The following RGS7 variants were observed in gnomAD, a reference collection of about 807,000 sequenced individuals.
RGS7 encodes regulator of G protein signaling 7, also known as regulator of G-protein signaling 7.
RGS7 carries 27 observed loss-of-function variants against 81.1 expected under a neutral mutation model. The observed-to-expected ratio is 0.33, with a 90% CI of 0.25 to 0.46. RGS7 has a LOEUF of 0.46. Ranked by LOEUF, RGS7 falls within the 20% of genes least tolerant of loss-of-function variation. The pLI is 1.00. For synonymous variants in RGS7, 208 were observed against 207.7 expected (o/e 1.00, Z -0.01); for missense variants, 396 against 607.4 (o/e 0.65, Z 3.66).
chr1:241,221,003 G>GAA lies in RGS7; in HGVS notation c.79-122242_79-122241insTT, dbSNP rs1558203432. Among the ~76,000 whole-genome samples the GAA allele has an allele frequency of 3.6e-3, 178 of 49,086 alleles. 1 individual carries two copies. Among genetic ancestry groups the GAA allele is most frequent in the East Asian group, 6.4e-3 (9 of 1,398 alleles). The allele number at this position is 49,086 out of a possible 152,430, so 32.2% of individuals were successfully genotyped here. ...GAAGGAAGGAAGGAAGGAAGAGAGAGAGAAAGGAAGGAAGGAAGGAAGGAA... is the reference window on the plus strand; with the variant it reads ...GAAGGAAGGAAGGAAGGAAGAGAGAGAAAGAAAGGAAGGAAGGAAGGAAGGAA... On this transcript the variant is annotated intron_variant, in intron 2 of 18. Coordinates refer to ENST00000440928, the MANE Select transcript of RGS7 (RefSeq NM_001364886.1).
chr1:241,267,407 G>A (rs7517973), intron 2 of RGS7, among the ~76,000 whole-genome samples: 113,370 of 152,116 alleles, frequency 0.75, 42,353 homozygotes, highest in Admixed American at 0.83. Context: ...CCTATTTCCA[G>A]TGCTTTGTTT....
At chr1:241,347,018 A>G (rs1464227956) in intron 2 of RGS7, among the ~76,000 whole-genome samples, 1 of 152,192 alleles carries the variant, frequency 6.6e-6, no homozygotes, top group Non-Finnish European at 1.5e-5. Flanking sequence ...GGCATACACC[A>G]TCTTAAGCAT....
At chr1:241,083,487 G>A (rs556837162) in intron 3 of RGS7, among the ~76,000 whole-genome samples, 1 of 152,212 alleles carries the variant, frequency 6.6e-6, no homozygotes, top group South Asian at 2.1e-4. Flanking sequence ...TTCCCCTCTT[G>A]TTCCGCAGCT....
At chr1:241,188,634 C>T (rs902965838) in intron 2 of RGS7, among the ~76,000 whole-genome samples, 7 of 152,006 alleles carry the variant, frequency 4.6e-5, no homozygotes, top group South Asian at 2.1e-4. Flanking sequence ...TTATAAACCA[C>T]GACAGAAACA....
At chr1:241,351,705 G>A (rs1237424407) in intron 2 of RGS7, among the ~76,000 whole-genome samples, 2 of 152,194 alleles carry the variant, frequency 1.3e-5, no homozygotes, top group Non-Finnish European at 2.9e-5. Context: ...GACAGCACAG[G>A]AGAATGGAGG....
At chr1:241,165,979 T>C (rs778452763) in intron 2 of RGS7, among the ~76,000 whole-genome samples, 2 of 152,130 alleles carry the variant, frequency 1.3e-5, no homozygotes, top group African/African-American at 2.4e-5. Context: ...TCAGATCTAC[T>C]GAATCTGAGA....
At chr1:241,052,029 T>A (rs2148809017) in intron 3 of RGS7, among the ~76,000 whole-genome samples, 1 of 152,258 alleles carries the variant, frequency 6.6e-6, no homozygotes, top group South Asian at 2.1e-4. Context: ...CTTGCTAAGC[T>A]TCCCCAGAGA....
At chr1:241,184,957 T>C (rs919571808) in intron 2 of RGS7, among the ~76,000 whole-genome samples, 2 of 151,966 alleles carry the variant, frequency 1.3e-5, no homozygotes, top group African/African-American at 4.8e-5. Context: ...TTGGACATTC[T>C]TAAGCAGAAT....
In RGS7 at chr1:241,248,217, C is replaced by T. The variant is rs549422717; in HGVS notation, c.78+107482G>A. 5.9e-5 allele frequency among the ~76,000 whole-genome samples: 9 copies of T among 151,744 alleles called. No individual in the cohort carries two copies. In the South Asian group the frequency reaches 1.9e-3, roughly 32 times the overall value. ...TTGATATTTATACAACCATGTGCAC[C>T]TTCTTGTGGTTAGTGTTTGCAATGA... On this transcript the variant is annotated intron_variant, in intron 2 of 18. Coordinates refer to ENST00000440928, the MANE Select transcript of RGS7 (RefSeq NM_001364886.1).
intron 2 of RGS7, among the ~76,000 whole-genome samples, chr1:241,212,331 G>C (rs1190969519): frequency 6.6e-6 from 1 of 152,170 alleles, no homozygotes; most frequent in Non-Finnish European, 1.5e-5. Context: ...CCCAGGAACA[G>C]GGTCGACTTC....
intron 4 of RGS7, among the ~76,000 whole-genome samples, chr1:240,964,510 G>C (rs1264401302): frequency 6.6e-6 from 1 of 152,174 alleles, no homozygotes; most frequent in Non-Finnish European, 1.5e-5. Context: ...ACTGGAGGAA[G>C]TTGAGAGCAT....
intron 2 of RGS7, among the ~76,000 whole-genome samples, chr1:241,352,576 G>C (rs1250414294): frequency 6.6e-6 from 1 of 152,152 alleles, no homozygotes; most frequent in African/African-American, 2.4e-5. Flanking sequence ...AAACCTACTG[G>C]CCAACATCCA....
chr1:241,320,796 A>G (rs536751346), intron 2 of RGS7, among the ~76,000 whole-genome samples: 5 of 152,296 alleles, frequency 3.3e-5, no homozygotes, highest in South Asian at 4.1e-4. Context: ...TGAAGCATGC[A>G]CTTTCTGTAG....
In RGS7 at chr1:240,816,334, C is replaced by T. The variant is rs770126499; in HGVS notation, c.766G>A (p.Asp256Asn). The stretch of plus-strand genomic sequence containing the variant: ...TGACTCACCTGTTGTTGTAACTCAT[C>T]TTCTGTTGGAGGTTTAGTTTCTGGT... ...PTPETKPPTE[D>N]ELQQQIKYWQ... is the part of the protein sequence containing the mutation. The change falls in exon 11 of 19, where the codon GAT (aspartate) becomes AAT (asparagine). Residue 256 changes from aspartate to asparagine, a missense_variant. Physicochemically the swap from Asp to Asn is conservative, Grantham distance 23. Coordinates refer to ENST00000440928, the MANE Select transcript of RGS7 (RefSeq NM_001364886.1). 1.2e-6 allele frequency: 2 copies of T among 1,610,440 alleles called. No homozygotes were observed. Among genetic ancestry groups the T allele is most frequent in the South Asian group, 1.1e-5 (1 of 90,988 alleles).
At chr1:240,846,017 T>C (rs546732016) in intron 9 of RGS7, among the ~76,000 whole-genome samples, 9 of 152,302 alleles carry the variant, frequency 5.9e-5, no homozygotes, top group African/African-American at 2.2e-4. Context: ...TTTAATGTCA[T>C]CCAAAAGGAT....
At chr1:241,177,129 C>T (rs1212470761) in intron 2 of RGS7, among the ~76,000 whole-genome samples, 1 of 152,138 alleles carries the variant, frequency 6.6e-6, no homozygotes, top group Non-Finnish European at 1.5e-5. Flanking sequence ...GGAGGAAAGA[C>T]ACCTGTAACA....
chr1:240,921,398 C>G (rs1673514714), intron 6 of RGS7, among the ~76,000 whole-genome samples: 1 of 151,868 alleles, frequency 6.6e-6, no homozygotes, highest in East Asian at 1.9e-4. Context: ...TCTCGCTACT[C>G]CTATTTGCCA....
intron 2 of RGS7, among the ~76,000 whole-genome samples, chr1:241,323,642 A>G (rs551907444): frequency 6.6e-6 from 1 of 152,378 alleles, no homozygotes; most frequent in South Asian, 2.1e-4. Flanking sequence ...AAAGCTAATC[A>G]GTAGAAAACA....
intron 4 of RGS7, among the ~76,000 whole-genome samples, chr1:240,938,054 T>C (rs1676939604): frequency 6.6e-6 from 1 of 152,192 alleles, no homozygotes; most frequent in African/African-American, 2.4e-5. Context: ...CTAGAAAATA[T>C]GAAATTATGC....
Sources: allele counts gnomAD v4.1 joint callset (sites outside exome capture counted in the v4.1 genomes callset), GRCh38; gene constraint gnomAD v4.1.1; transcripts MANE v1.5; gene names NCBI Gene and HGNC (gene_info 2026-07-23, HGNC 2026-07-21).